Variants in LHFPL6 observed in about 807,000 individuals in gnomAD.
The protein encoded by LHFPL6 is LHFPL tetraspan subfamily member 6, also known as LHFPL tetraspan subfamily member 6 protein.
Under a neutral mutation model 20.6 loss-of-function variants are expected in LHFPL6, and 9 were observed. The ratio of observed to expected loss-of-function variants is 0.44; its 90% CI spans 0.26 to 0.76. The LOEUF (loss-of-function observed/expected upper bound fraction) is 0.76, where lower values mean the gene tolerates loss of function less well. Ranked by LOEUF, LHFPL6 falls within the 30% of genes least tolerant of loss-of-function variation. The pLI is 0.20. For missense variants in LHFPL6, 218 were observed against 253.5 expected, an observed-to-expected ratio of 0.86 and a Z score of 0.95; for synonymous variants, 105 against 98.7, an observed-to-expected ratio of 1.06 and a Z score of -0.38.
At chr13:39,378,930 C>T (rs1227098769) in intron 2 of LHFPL6, among the ~76,000 whole-genome samples, 1 of 152,102 alleles carries the variant, frequency 6.6e-6, no homozygotes, top group Non-Finnish European at 1.5e-5. Flanking sequence ...TTTTTGTTTC[C>T]TATTTAAGAA....
intron 2 of LHFPL6, among the ~76,000 whole-genome samples, chr13:39,414,551 G>C (rs549546307): frequency 3.3e-5 from 5 of 152,148 alleles, no homozygotes; most frequent in Non-Finnish European, 5.9e-5. Context: ...CCTGCATTTG[G>C]TGTTATCAGT....
At chr13:39,516,622 T>C (rs945566051) in intron 2 of LHFPL6, among the ~76,000 whole-genome samples, 34 of 152,196 alleles carry the variant, frequency 2.2e-4, no homozygotes, top group African/African-American at 8.2e-4. Flanking sequence ...GAATATATAA[T>C]GCAGGAATCA....
intron 2 of LHFPL6, among the ~76,000 whole-genome samples, chr13:39,584,215 C>A (rs550887258): frequency 5.9e-5 from 9 of 152,256 alleles, no homozygotes; most frequent in Middle Eastern, 3.4e-3. Flanking sequence ...AGCCTGACAC[C>A]TAAAATACAT....
At chr13:39,451,901 G>C (rs1872453849) in intron 2 of LHFPL6, among the ~76,000 whole-genome samples, 1 of 152,130 alleles carries the variant, frequency 6.6e-6, no homozygotes, top group Non-Finnish European at 1.5e-5. Flanking sequence ...ACTATAGAAA[G>C]CAGAAGTGTA....
At chr13:39,531,490 T>C (rs1870463920) in intron 2 of LHFPL6, among the ~76,000 whole-genome samples, 1 of 152,162 alleles carries the variant, frequency 6.6e-6, no homozygotes, top group Admixed American at 6.6e-5. Context: ...CTCATGAGAT[T>C]CCAGACAATG....
intron 2 of LHFPL6, among the ~76,000 whole-genome samples, chr13:39,516,713 G>A (rs1369641683): frequency 6.6e-6 from 1 of 152,154 alleles, no homozygotes; most frequent in East Asian, 1.9e-4. Context: ...GCCTCTGTAC[G>A]CCTCAATTAG....
chr13:39,431,244 C>G (rs1223253950), intron 2 of LHFPL6, among the ~76,000 whole-genome samples: 1 of 152,218 alleles, frequency 6.6e-6, no homozygotes, highest in Non-Finnish European at 1.5e-5. Context: ...GTAACACTCA[C>G]TGCGAAGGTC....
chr13:39,511,527 G>C (rs929735063), intron 2 of LHFPL6, among the ~76,000 whole-genome samples: 2 of 149,614 alleles, frequency 1.3e-5, no homozygotes, highest in Non-Finnish European at 3.0e-5. Flanking sequence ...ATACCTAACA[G>C]CAGTAAACAA....
Position 39,454,357 on chromosome 13 carries a change from C to T in LHFPL6, c.386-75831G>A, listed in dbSNP as rs1310986543. Among the ~76,000 whole-genome samples the T allele has an allele frequency of 6.1e-5, 2 of 32,822 alleles. 1 individual carries two copies. Among genetic ancestry groups the T allele is most frequent in the African/African-American group, 5.8e-4 (2 of 3,464 alleles). The allele number at this position is 32,822 out of a possible 152,430, so 21.5% of individuals were successfully genotyped here. The stretch of plus-strand genomic sequence containing the variant: ...TAAGAGTTGTAATTGGGGCCGGGCG[C>T]GGTGGCTCACGCCTGTAATCCCAGC... On this transcript the variant is annotated intron_variant, in intron 2 of 3. Coordinates refer to ENST00000379589, the MANE Select transcript of LHFPL6 (RefSeq NM_005780.3).
intron 2 of LHFPL6, among the ~76,000 whole-genome samples, chr13:39,390,054 TA>T (rs1259075561): frequency 2.6e-5 from 4 of 152,058 alleles, no homozygotes; most frequent in East Asian, 1.9e-4. Context: ...AACTTTTTTT[TA>T]AAAAGTTTGG....
intron 2 of LHFPL6, among the ~76,000 whole-genome samples, chr13:39,444,788 G>T (rs1005032185): frequency 6.6e-6 from 1 of 152,218 alleles, no homozygotes; most frequent in Non-Finnish European, 1.5e-5. Context: ...GCAAAGACTT[G>T]TCACAGGGGT....
chr13:39,443,913 T>A (rs964926173), intron 2 of LHFPL6, among the ~76,000 whole-genome samples: 2 of 151,708 alleles, frequency 1.3e-5, no homozygotes, highest in Admixed American at 6.6e-5. Flanking sequence ...ATTCTGAGCA[T>A]GTTTATGGTA....
intron 2 of LHFPL6, among the ~76,000 whole-genome samples, chr13:39,387,417 C>T (rs1870591336): frequency 6.6e-6 from 1 of 151,680 alleles, no homozygotes; most frequent in Non-Finnish European, 1.5e-5. Context: ...CATGGTGGTG[C>T]ACACCTGTAA....
chr13:39,568,315 A>C (rs1165454931), intron 2 of LHFPL6, among the ~76,000 whole-genome samples: 1 of 152,170 alleles, frequency 6.6e-6, no homozygotes, highest in South Asian at 2.1e-4. Context: ...TATAAACTTA[A>C]GCAGGAAAAA....
chr13:39,507,413 C>T (rs1869523330), intron 2 of LHFPL6, among the ~76,000 whole-genome samples: 1 of 152,184 alleles, frequency 6.6e-6, no homozygotes, highest in Admixed American at 6.5e-5. Flanking sequence ...CTTCTCTCTA[C>T]ATCACATCCA....
At chr13:39,464,728 C>T (rs371431550) in intron 2 of LHFPL6, among the ~76,000 whole-genome samples, 131 of 133,136 alleles carry the variant, frequency 9.8e-4, no homozygotes, top group African/African-American at 3.3e-3. Flanking sequence ...TCTGACCTAA[C>T]GTCTTGACTT....
At chr13:39,597,542 AT>A (rs1465016274) in intron 2 of LHFPL6, among the ~76,000 whole-genome samples, 1 of 152,182 alleles carries the variant, frequency 6.6e-6, no homozygotes, top group Non-Finnish European at 1.5e-5. Flanking sequence ...ACATGTTAAC[AT>A]TTTTATTTTA....
intron 2 of LHFPL6, among the ~76,000 whole-genome samples, chr13:39,567,592 T>C (rs573645535): frequency 4.0e-4 from 61 of 152,252 alleles, no homozygotes; most frequent in Middle Eastern, 3.4e-3. Flanking sequence ...TCCCTTCCTC[T>C]CCTCTTCTAC....
chr13:39,498,139 A>G (rs1378076677), intron 2 of LHFPL6, among the ~76,000 whole-genome samples: 1 of 152,186 alleles, frequency 6.6e-6, no homozygotes, highest in Non-Finnish European at 1.5e-5. Context: ...TTAATTTCCA[A>G]GTATTTTACT....
Sources: allele counts gnomAD v4.1 joint callset (sites outside exome capture counted in the v4.1 genomes callset), GRCh38; gene constraint gnomAD v4.1.1; transcripts MANE v1.5; gene names NCBI Gene and HGNC (gene_info 2026-07-23, HGNC 2026-07-21).